Variants in RBFOX1 observed in about 807,000 individuals in gnomAD.
The protein encoded by RBFOX1 is RNA binding fox-1 homolog 1.
Under a neutral mutation model 57.7 loss-of-function variants are expected in RBFOX1, and 8 were observed. The ratio of observed to expected loss-of-function variants is 0.14; its 90% CI spans 0.08 to 0.25. RBFOX1 has a LOEUF of 0.25. Ranked by LOEUF, RBFOX1 falls within the 10% of genes least tolerant of loss-of-function variation. The pLI is 1.00. For synonymous variants in RBFOX1, 326 were observed against 222.4 expected (o/e 1.47, Z -4.15); for missense variants, 611 against 548.5 (o/e 1.11, Z -1.14).
chr16:7,074,317 A>G (rs1241986635), intron 4 of RBFOX1, among the ~76,000 whole-genome samples: 2 of 152,206 alleles, frequency 1.3e-5, no homozygotes, highest in African/African-American at 2.4e-5. Flanking sequence ...ATAAGCAAGA[A>G]CCAAACTGAG....
chr16:6,721,479 A>T (rs1009685322), intron 3 of RBFOX1, among the ~76,000 whole-genome samples: 3 of 152,196 alleles, frequency 2.0e-5, no homozygotes, highest in African/African-American at 4.8e-5. Flanking sequence ...AACCATTTTT[A>T]AGTGTACAGT....
intron 3 of RBFOX1, among the ~76,000 whole-genome samples, chr16:5,834,776 TGATA>T (rs140249212): frequency 0.47 from 69,576 of 147,468 alleles, 17,384 homozygotes; most frequent in East Asian, 0.56. Context: ...CATGCACAGA[TGATA>T]GATAGATAGA....
chr16:7,091,252 T>G (rs978016209), intron 4 of RBFOX1, among the ~76,000 whole-genome samples: 1 of 149,162 alleles, frequency 6.7e-6, no homozygotes, highest in East Asian at 2.0e-4. Context: ...TACTGCAATT[T>G]TTAATTTTAA....
At chr16:6,271,732 C>G (rs1204568497) in intron 1 of RBFOX1, among the ~76,000 whole-genome samples, 2 of 152,136 alleles carry the variant, frequency 1.3e-5, no homozygotes, top group Non-Finnish European at 2.9e-5. Flanking sequence ...AAAATACAAA[C>G]CATCATATTT....
At chr16:6,317,972 A>G (rs1009104885) in intron 2 of RBFOX1, among the ~76,000 whole-genome samples, 12 of 152,324 alleles carry the variant, frequency 7.9e-5, no homozygotes, top group Middle Eastern at 3.4e-3. Flanking sequence ...TACATCAAAT[A>G]TCAGCCCATG....
chr16:6,486,110 C>G (rs1269011739), intron 2 of RBFOX1, among the ~76,000 whole-genome samples: 10 of 47,784 alleles, frequency 2.1e-4, no homozygotes, highest in Non-Finnish European at 3.0e-4. Flanking sequence ...TTTTTTTTGG[C>G]ATTGATTGCC....
chr16:6,865,853 G>C (rs2059822120), intron 3 of RBFOX1, among the ~76,000 whole-genome samples: 1 of 152,048 alleles, frequency 6.6e-6, no homozygotes, highest in African/African-American at 2.4e-5. Context: ...TTTTTTGCGT[G>C]TAGGCTTATT....
At chr16:5,419,666 A>G (rs2067256185) in intron 1 of RBFOX1, among the ~76,000 whole-genome samples, 1 of 152,080 alleles carries the variant, frequency 6.6e-6, no homozygotes, top group African/African-American at 2.4e-5. Context: ...GCGGTGAGAC[A>G]TCACTCCCAT....
chr16:6,797,164 G>C (rs2084260290), intron 3 of RBFOX1, among the ~76,000 whole-genome samples: 1 of 152,194 alleles, frequency 6.6e-6, no homozygotes, highest in African/African-American at 2.4e-5. Context: ...AGCAGCAGCA[G>C]AATTTGTTAG....
At chr16:7,168,277 C>G (rs568905922) in intron 4 of RBFOX1, among the ~76,000 whole-genome samples, 1 of 151,944 alleles carries the variant, frequency 6.6e-6, no homozygotes, top group African/African-American at 2.4e-5. Flanking sequence ...AGTGGGTTTT[C>G]TTCTTCTCAG....
chr16:7,282,220 A>G (rs2095559115), intron 4 of RBFOX1, among the ~76,000 whole-genome samples: 1 of 151,990 alleles, frequency 6.6e-6, no homozygotes, highest in African/African-American at 2.4e-5. Context: ...CCCCAAACCC[A>G]TTTTCTTTGC....
At chr16:6,583,446 C>T (rs139596658) in intron 2 of RBFOX1, among the ~76,000 whole-genome samples, 5 of 152,328 alleles carry the variant, frequency 3.3e-5, no homozygotes, top group African/African-American at 1.2e-4. Context: ...TTTGGGGGAG[C>T]ATCTCACACT....
intron 1 of RBFOX1, among the ~76,000 whole-genome samples, chr16:6,278,065 A>T (rs763832119): frequency 2.0e-4 from 31 of 152,154 alleles, no homozygotes; most frequent in Admixed American, 2.0e-3. Context: ...TTCATTGGAC[A>T]TAGGCCATTA....
chr16:6,595,873 TA>T (rs944162573), intron 2 of RBFOX1, among the ~76,000 whole-genome samples: 2 of 152,134 alleles, frequency 1.3e-5, no homozygotes, highest in African/African-American at 4.8e-5. Flanking sequence ...CAAACCCTAT[TA>T]AAAAAATACT....
intron 1 of RBFOX1, among the ~76,000 whole-genome samples, chr16:6,064,717 T>C (rs1311684501): frequency 6.6e-6 from 1 of 152,010 alleles, no homozygotes; most frequent in African/African-American, 2.4e-5. Context: ...ATTTTTTGTA[T>C]CTTTAGTAGA....
chr16:7,082,465 C>A (rs966190044), intron 4 of RBFOX1, among the ~76,000 whole-genome samples: 2 of 151,560 alleles, frequency 1.3e-5, no homozygotes, highest in Admixed American at 1.3e-4. Flanking sequence ...ACCTGTGGTC[C>A]CAGCTACTTG....
At chr16:5,416,003 A>G (rs1489027937) in intron 1 of RBFOX1, among the ~76,000 whole-genome samples, 1 of 152,196 alleles carries the variant, frequency 6.6e-6, no homozygotes, top group African/African-American at 2.4e-5. Context: ...ATAGTGTTAC[A>G]TAGGGGAGGT....
chr16:6,466,421 A>T (rs565712754), intron 2 of RBFOX1, among the ~76,000 whole-genome samples: 1 of 152,298 alleles, frequency 6.6e-6, no homozygotes, highest in Non-Finnish European at 1.5e-5. Flanking sequence ...CACCTGAAGT[A>T]GTTGCTATTA....
intron 3 of RBFOX1, among the ~76,000 whole-genome samples, chr16:6,730,812 A>G (rs7196772): frequency 7.9e-4 from 120 of 152,282 alleles, no homozygotes; most frequent in African/African-American, 2.6e-3. Context: ...GGAGTTTCTC[A>G]TATGTGGCTG....
Sources: gnomAD v4.1 joint callset for allele counts (sites outside exome capture counted in the v4.1 genomes callset) on GRCh38, gnomAD v4.1.1 for gene constraint, MANE v1.5 for transcripts, NCBI Gene and HGNC (gene_info 2026-07-23, HGNC 2026-07-21) for gene names.